The following NALF1 variants were observed in gnomAD, a reference collection of about 807,000 sequenced individuals.
NALF1 encodes NALCN channel auxiliary factor 1.
Under a neutral mutation model 48.4 loss-of-function variants are expected in NALF1, and 3 were observed. The ratio of observed to expected loss-of-function variants is 0.06; its 90% CI spans 0.03 to 0.16. The LOEUF (loss-of-function observed/expected upper bound fraction) is 0.16. NALF1 is among the 10% of genes least tolerant of loss of function. The probability of loss-of-function intolerance (pLI) is 1.00; values close to 1 mark genes in which losing one functional copy is unlikely to be tolerated. For missense variants in NALF1, 526 were observed against 571.5 expected (o/e 0.92, Z 0.81); for synonymous variants, 262 against 245.7 (o/e 1.07, Z -0.62).
chr13:107,542,527 A>G lies in NALF1; in HGVS notation c.915+323155T>C, dbSNP rs575494284. Among the ~76,000 whole-genome samples the G allele has an allele frequency of 3.9e-5, 6 of 152,282 alleles. No homozygotes were observed. In the South Asian group the frequency reaches 1.0e-3, roughly 26 times the overall value. On this transcript the variant is annotated intron_variant, in intron 1 of 2. Coordinates refer to ENST00000375915, the MANE Select transcript of NALF1 (RefSeq NM_001080396.3). ...AAGTCAGTAATGCTGTTTTTAAAAAATTAGTTGAATCAGATATGATCCAAA... is the reference window on the plus strand; with the variant it reads ...AAGTCAGTAATGCTGTTTTTAAAAAGTTAGTTGAATCAGATATGATCCAAA...
chr13:107,368,995 C>T (rs1473280452), intron 1 of NALF1, among the ~76,000 whole-genome samples: 1 of 152,250 alleles, frequency 6.6e-6, no homozygotes, highest in Admixed American at 6.5e-5. Flanking sequence ...ATTCTATTCC[C>T]TTTACACGAA....
At chr13:107,284,270 T>C (rs1881447268) in intron 1 of NALF1, among the ~76,000 whole-genome samples, 1 of 152,066 alleles carries the variant, frequency 6.6e-6, no homozygotes, top group African/African-American at 2.4e-5. Flanking sequence ...TTCCAGTTAG[T>C]ATATTTAATA....
chr13:107,749,042 A>C (rs922733114), intron 1 of NALF1, among the ~76,000 whole-genome samples: 3 of 152,122 alleles, frequency 2.0e-5, no homozygotes, highest in Non-Finnish European at 1.5e-5. Flanking sequence ...TGATCCATAG[A>C]ATGCTATTCC....
intron 1 of NALF1, among the ~76,000 whole-genome samples, chr13:107,644,870 T>C (rs1880271544): frequency 6.6e-6 from 1 of 151,820 alleles, no homozygotes; most frequent in African/African-American, 2.4e-5. Flanking sequence ...ACAGCAAAAA[T>C]AATCACTGCC....
rs16971054 is a variant in NALF1 at position 107,752,185 on chromosome 13, T to A, written c.915+113497A>T. ...CATTACAAAAACTACACAATAGTAT[T>A]TTCCTTTCTTCTACAATAGATTGCC... On this transcript the variant is annotated intron_variant, in intron 1 of 2. Coordinates refer to ENST00000375915, the MANE Select transcript of NALF1 (RefSeq NM_001080396.3). Among the ~76,000 whole-genome samples, 5,992 of 152,132 alleles carry A rather than the reference T, an allele frequency of 0.039. 520 individuals carry two copies. The East Asian group carries it at 0.42, about 11-fold the overall frequency.
chr13:107,664,912 T>C (rs1359395013), intron 1 of NALF1, among the ~76,000 whole-genome samples: 1 of 152,040 alleles, frequency 6.6e-6, no homozygotes, highest in Non-Finnish European at 1.5e-5. Flanking sequence ...TCCAGCTCTT[T>C]GGTTTCAACT....
At chr13:107,844,222 A>C (rs1486287043) in intron 1 of NALF1, among the ~76,000 whole-genome samples, 1 of 142,324 alleles carries the variant, frequency 7.0e-6, no homozygotes, top group African/African-American at 2.6e-5. Context: ...AGTTGTTTGT[A>C]GCCACAAATA....
intron 1 of NALF1, among the ~76,000 whole-genome samples, chr13:107,230,676 A>T (rs1435034618): frequency 1.3e-5 from 2 of 152,194 alleles, no homozygotes; most frequent in East Asian, 3.9e-4. Flanking sequence ...CACAGAAAGC[A>T]CTAAAGAAAG....
intron 1 of NALF1, among the ~76,000 whole-genome samples, chr13:107,378,087 A>T (rs1349187354): frequency 6.6e-6 from 1 of 152,164 alleles, no homozygotes; most frequent in African/African-American, 2.4e-5. Flanking sequence ...ACAAAGTTAG[A>T]ACTTAAAATG....
chr13:107,373,656 T>C (rs1206071912), intron 1 of NALF1, among the ~76,000 whole-genome samples: 2 of 152,230 alleles, frequency 1.3e-5, no homozygotes, highest in Non-Finnish European at 2.9e-5. Context: ...CACTCACGCC[T>C]TTCTAAGCAT....
At chr13:107,503,606 C>T (rs761242714) in intron 1 of NALF1, among the ~76,000 whole-genome samples, 1 of 151,918 alleles carries the variant, frequency 6.6e-6, no homozygotes, top group Non-Finnish European at 1.5e-5. Context: ...GGGCATATAC[C>T]CAAAGGAGAT....
chr13:107,291,906 T>G (rs941652680), intron 1 of NALF1, among the ~76,000 whole-genome samples: 1 of 152,238 alleles, frequency 6.6e-6, no homozygotes, highest in African/African-American at 2.4e-5. Context: ...AAGATAGTCA[T>G]AAAACATTTA....
At chr13:107,381,272 C>T (rs1883434705) in intron 1 of NALF1, among the ~76,000 whole-genome samples, 1 of 150,844 alleles carries the variant, frequency 6.6e-6, no homozygotes, top group Non-Finnish European at 1.5e-5. Flanking sequence ...ATGGTCATAG[C>T]TCACTGCAGC....
At chr13:107,261,929 G>A (rs927881722) in intron 1 of NALF1, among the ~76,000 whole-genome samples, 15 of 152,156 alleles carry the variant, frequency 9.9e-5, no homozygotes, top group Middle Eastern at 3.4e-3. Context: ...GTCTCTCCCC[G>A]CCTCTCCCGC....
At chr13:107,746,830 C>G (rs1284897103) in intron 1 of NALF1, among the ~76,000 whole-genome samples, 1 of 152,104 alleles carries the variant, frequency 6.6e-6, no homozygotes, top group African/African-American at 2.4e-5. Flanking sequence ...GTTGGGAAAA[C>G]TGAATATCCA....
intron 1 of NALF1, among the ~76,000 whole-genome samples, chr13:107,416,269 C>A (rs1884087679): frequency 6.6e-6 from 1 of 151,798 alleles, no homozygotes; most frequent in Non-Finnish European, 1.5e-5. Context: ...CCTGCCTTGG[C>A]CTCCCAAAGT....
At position 107,865,814 on chromosome 13, in the gene NALF1, G is replaced by A; in HGVS notation, c.783C>T (p.Cys261=). The A allele has an allele frequency of 1.2e-6, 2 of 1,614,130 alleles. No homozygotes were observed. Among genetic ancestry groups the A allele is most frequent in the Non-Finnish European group, 1.7e-6 (2 of 1,180,032 alleles). The part of the protein sequence containing the change: ...VLKEGGEMTT[C]RQCVEAYQDY... ...CCTGGTAAGCCTCGACGCACTGCCT[G>A]CAAGTGGTCATCTCGCCGCCTTCCT... The change falls in exon 1 of 3, where the codon TGC becomes TGT. Residue 261 remains cysteine (C), a synonymous_variant. Coordinates refer to ENST00000375915, the MANE Select transcript of NALF1 (RefSeq NM_001080396.3).
chr13:107,531,864 C>T (rs1876650690), intron 1 of NALF1, among the ~76,000 whole-genome samples: 1 of 152,022 alleles, frequency 6.6e-6, no homozygotes, highest in Non-Finnish European at 1.5e-5. Context: ...TGATACTCCC[C>T]TTAGAATTTT....
At chr13:107,799,592 T>C (rs1311838760) in intron 1 of NALF1, among the ~76,000 whole-genome samples, 1 of 152,210 alleles carries the variant, frequency 6.6e-6, no homozygotes, top group African/African-American at 2.4e-5. Flanking sequence ...ATTCTTACCT[T>C]TTAAAAGGCT....
Sources: gnomAD v4.1 joint callset for allele counts (sites outside exome capture counted in the v4.1 genomes callset) on GRCh38, gnomAD v4.1.1 for gene constraint, MANE v1.5 for transcripts, NCBI Gene and HGNC (gene_info 2026-07-23, HGNC 2026-07-21) for gene names.